VSTM1: variants seen among roughly 807,000 people sequenced by gnomAD.
VSTM1 encodes the protein V-set and transmembrane domain containing 1.
A neutral mutation model predicts 33.1 loss-of-function variants in VSTM1; 27 were observed. That is an observed-to-expected ratio of 0.82 (90% CI 0.60 to 1.12). The LOEUF (loss-of-function observed/expected upper bound fraction) is 1.12, where lower values mean the gene tolerates loss of function less well. VSTM1 is among the 50% of genes most tolerant of loss of function. The probability of loss-of-function intolerance (pLI) is 0.00; values close to 1 mark genes in which losing one functional copy is unlikely to be tolerated. For missense variants in VSTM1, 304 were observed against 288.9 expected (o/e 1.05, Z -0.38); for synonymous variants, 115 against 110.3 (o/e 1.04, Z -0.27).
At chr19:54,041,639 T>C (rs1188102431) in intron 8 of VSTM1, 140 bp downstream of exon 8, 3 of 963,346 alleles carry the variant, frequency 3.1e-6, no homozygotes, top group Non-Finnish European at 4.6e-6. Flanking sequence ...TGGTTCCCAT[T>C]AGGGGAGTTT....
At chr19:54,044,653 C>T (rs1035497965) in intron 4 of VSTM1, among the ~76,000 whole-genome samples, 3 of 152,154 alleles carry the variant, frequency 2.0e-5, no homozygotes, top group African/African-American at 7.2e-5. Flanking sequence ...TATTGCCATG[C>T]AAGTCTACAT....
At chr19:54,042,841 T>TATATATATATATATATAC (rs2070388941) in intron 4 of VSTM1, among the ~76,000 whole-genome samples, 5 of 96,380 alleles carry the variant, frequency 5.2e-5, no homozygotes, top group Middle Eastern at 6.6e-3. Flanking sequence ...TATATATACA[T>TATATATATATATATATAC]ATATATATAT....
At chr19:54,049,440 C>T (rs2070739594) in intron 4 of VSTM1, among the ~76,000 whole-genome samples, 1 of 152,144 alleles carries the variant, frequency 6.6e-6, no homozygotes, top group Non-Finnish European at 1.5e-5. Flanking sequence ...GATGGTTATA[C>T]TACCTCATGA....
chr19:54,052,287 A>G (rs1030906839), intron 3 of VSTM1, among the ~76,000 whole-genome samples: 1 of 147,554 alleles, frequency 6.8e-6, no homozygotes, highest in East Asian at 2.0e-4. Context: ...AGTCCCAGCT[A>G]CTCGGGAGGC....
intron 4 of VSTM1, among the ~76,000 whole-genome samples, chr19:54,047,306 T>G (rs1432180687): frequency 1.3e-5 from 2 of 152,112 alleles, no homozygotes; most frequent in African/African-American, 4.8e-5. Context: ...CAACAATTTT[T>G]TTTTTTTTGA....
At chr19:54,051,331 T>C (rs1318649622) in intron 4 of VSTM1, 79 bp downstream of exon 4, 8 of 1,184,742 alleles carry the variant, frequency 6.8e-6, no homozygotes, top group Non-Finnish European at 8.5e-6. Flanking sequence ...ATAAATAAAG[T>C]TCTCCTTGTG....
At chr19:54,057,745 G>C (rs1441056093) in intron 3 of VSTM1, among the ~76,000 whole-genome samples, 5 of 150,398 alleles carry the variant, frequency 3.3e-5, no homozygotes, top group Non-Finnish European at 7.4e-5. Context: ...GGAGGCGGGG[G>C]TTGCAGTGAG....
In VSTM1 at chr19:54,054,211, C is replaced by T. The variant is rs868440707; in HGVS notation, c.356-2763G>A. ...GTCTTGTGATGTAATGGTACAGCTG[C>T]GATAGAGGTGAAGAAATCAGGAAAC... On this transcript the variant is annotated intron_variant, in intron 3 of 8. Transcript: ENST00000338372. Among the ~76,000 whole-genome samples, 6 of 141,634 alleles carry T rather than the reference C, an allele frequency of 4.2e-5. 1 individual carries two copies. The East Asian group carries it at 8.0e-4, about 19-fold the overall frequency. 92.9% of individuals were successfully genotyped at this position (141,634 alleles called of 152,430 possible). A position where few individuals can be genotyped will look rare whatever the true frequency, so the allele number is the denominator to read the frequency against.
chr19:54,059,675 T>C (rs1384771696), intron 1 of VSTM1, among the ~76,000 whole-genome samples: 1 of 151,228 alleles, frequency 6.6e-6, no homozygotes, highest in Non-Finnish European at 1.5e-5. Context: ...GGTTTCACCA[T>C]GTTGCCCAGG....
intron 1 of VSTM1, among the ~76,000 whole-genome samples, chr19:54,059,461 T>C (rs1273262518): frequency 6.6e-6 from 1 of 152,138 alleles, no homozygotes; most frequent in Non-Finnish European, 1.5e-5. Flanking sequence ...GTATTTTCTG[T>C]GATTGCAGTG....
At chr19:54,049,085 AAAAAAC>A (rs1201438215) in intron 4 of VSTM1, among the ~76,000 whole-genome samples, 4 of 152,204 alleles carry the variant, frequency 2.6e-5, no homozygotes, top group Admixed American at 2.0e-4. Context: ...CTCCGTCTCA[AAAAAAC>A]AAAAACAAAA....
chr19:54,054,835 T>G (rs2071009502), intron 3 of VSTM1, among the ~76,000 whole-genome samples: 4 of 116,596 alleles, frequency 3.4e-5, no homozygotes, highest in Admixed American at 9.2e-5. Flanking sequence ...TTGGATGGAT[T>G]AATGGATAGA....
chr19:54,046,300 A>G (rs1168513957), intron 4 of VSTM1, among the ~76,000 whole-genome samples: 2 of 152,142 alleles, frequency 1.3e-5, no homozygotes, highest in African/African-American at 4.8e-5. Flanking sequence ...GAAACAAGAC[A>G]TATTTGAGTT....
At chr19:54,051,517 C>T (rs751026079) in intron 3 of VSTM1, 69 bp from the exon 4 acceptor site, 27 of 1,264,378 alleles carry the variant, frequency 2.1e-5, no homozygotes, top group Non-Finnish European at 2.9e-5. Context: ...GGAGTCCTCA[C>T]GTCCTACTTA....
chr19:54,059,853 T>TA (rs1214952403), intron 1 of VSTM1, among the ~76,000 whole-genome samples: 1 of 150,030 alleles, frequency 6.7e-6, no homozygotes, highest in Non-Finnish European at 1.5e-5. Flanking sequence ...TTTTTTTTTT[T>TA]TTTTTATTTT....
At chr19:54,041,115 G>A (rs2146020711) in intron 8 of VSTM1, 35 bp from the exon 9 acceptor site, 3 of 1,504,794 alleles carry the variant, frequency 2.0e-6, no homozygotes, top group East Asian at 5.2e-5. Context: ...AGAACTGAGT[G>A]TTCAATATGG....
chr19:54,045,348 C>T (rs938342697), intron 4 of VSTM1, among the ~76,000 whole-genome samples: 5 of 151,982 alleles, frequency 3.3e-5, no homozygotes, highest in Non-Finnish European at 1.5e-5. Context: ...ATCTATCTAC[C>T]TACTTGCCTA....
rs770554061 is a variant in VSTM1, at chr19:54,063,744, C to T, written c.34G>A (p.Gly12Arg). ...ATTCGTCCCAGTCCTGGAGACTCACCGAGGCAAAGCAGGGAGAGGAATTCT... is the reference window on the plus strand; with the variant it reads ...ATTCGTCCCAGTCCTGGAGACTCACTGAGGCAAAGCAGGGAGAGGAATTCT... Reference protein sequence around the residue: ...TAEFLSLLCLGLCLGYEDEKK... With the variant: ...TAEFLSLLCLRLCLGYEDEKK... The change falls in exon 1 of 9, where the codon GGG becomes AGG. Residue 12 changes from glycine (G) to arginine (R), a missense_variant and splice_region_variant. Transcript: ENST00000338372. The T allele has an allele frequency of 3.1e-6, 5 of 1,613,808 alleles. No individual in the cohort carries two copies. The highest frequency in any genetic ancestry group is 1.7e-4 in the Middle Eastern group (1 of 6,054).
At chr19:54,044,417 G>A (rs2070470328) in intron 4 of VSTM1, among the ~76,000 whole-genome samples, 1 of 152,030 alleles carries the variant, frequency 6.6e-6, no homozygotes, top group South Asian at 2.1e-4. Context: ...AAAATAAGCT[G>A]GGCATGGTGG....
Sources: gnomAD v4.1 joint callset for allele counts (sites outside exome capture counted in the v4.1 genomes callset) on GRCh38, gnomAD v4.1.1 for gene constraint, MANE v1.5 for transcripts, NCBI Gene and HGNC (gene_info 2026-07-23, HGNC 2026-07-21) for gene names.